AGBL4: variants seen among roughly 807,000 people sequenced by gnomAD.
The protein encoded by AGBL4 is AGBL carboxypeptidase 4, also known as cytosolic carboxypeptidase 6.
In AGBL4, 58 loss-of-function variants were observed where a neutral mutation model predicts 66.4. The observed-to-expected ratio is 0.87, with a 90% CI of 0.71 to 1.09. AGBL4 has a LOEUF of 1.09. Ranked by LOEUF, AGBL4 falls within the 50% of genes least tolerant of loss-of-function variation. The probability of loss-of-function intolerance (pLI) is 0.00; values close to 1 mark genes in which losing one functional copy is unlikely to be tolerated. For missense variants in AGBL4, 579 were observed against 631.0 expected (o/e 0.92, Z 0.88); for synonymous variants, 234 against 222.9 (o/e 1.05, Z -0.44).
chr1:49,503,300 T>C (rs759722109), intron 3 of AGBL4, among the ~76,000 whole-genome samples: 9 of 152,140 alleles, frequency 5.9e-5, no homozygotes, highest in Non-Finnish European at 1.2e-4. Flanking sequence ...TTTCAGAGGA[T>C]GTATGCAAAC....
chr1:49,592,271 AG>A (rs770446000), intron 3 of AGBL4, among the ~76,000 whole-genome samples: 2 of 151,992 alleles, frequency 1.3e-5, no homozygotes, highest in Non-Finnish European at 2.9e-5. Context: ...ATTAAAAAAT[AG>A]GCAAAAAACA....
At chr1:48,556,467 C>T (rs1644322897) in intron 11 of AGBL4, among the ~76,000 whole-genome samples, 1 of 152,192 alleles carries the variant, frequency 6.6e-6, no homozygotes. Context: ...CATATTATAT[C>T]CCACGCGTTC....
chr1:48,987,963 T>C (rs944474474), intron 5 of AGBL4, among the ~76,000 whole-genome samples: 9 of 152,120 alleles, frequency 5.9e-5, no homozygotes, highest in African/African-American at 1.9e-4. Flanking sequence ...TGCTCTTATT[T>C]TTCTTCTCCT....
intron 3 of AGBL4, among the ~76,000 whole-genome samples, chr1:49,473,046 A>G (rs1026505266): frequency 7.2e-5 from 11 of 151,986 alleles, no homozygotes; most frequent in African/African-American, 1.7e-4. Flanking sequence ...TCTTTATCCA[A>G]TCCACCATTG....
chr1:49,581,752 G>A (rs955602709), intron 3 of AGBL4, among the ~76,000 whole-genome samples: 6 of 152,154 alleles, frequency 3.9e-5, no homozygotes, highest in Non-Finnish European at 7.3e-5. Flanking sequence ...GTTTGTCCTT[G>A]TGACCTGGAG....
intron 4 of AGBL4, among the ~76,000 whole-genome samples, chr1:49,055,171 T>A (rs1337316863): frequency 1.3e-5 from 2 of 152,004 alleles, no homozygotes; most frequent in Non-Finnish European, 2.9e-5. Flanking sequence ...TACATTTATA[T>A]GTTGTACTAC....
At chr1:49,769,051 G>T (rs1451891369) in intron 2 of AGBL4, among the ~76,000 whole-genome samples, 1 of 152,072 alleles carries the variant, frequency 6.6e-6, no homozygotes, top group East Asian at 1.9e-4. Flanking sequence ...GTTTCACCAT[G>T]TTGGCCAGGA....
intron 2 of AGBL4, among the ~76,000 whole-genome samples, chr1:49,702,320 G>C (rs1427437095): frequency 6.6e-6 from 1 of 151,844 alleles, no homozygotes; most frequent in Non-Finnish European, 1.5e-5. Flanking sequence ...GTGAAAACTC[G>C]TCTCTACTAA....
chr1:48,911,950 C>T (rs922198841), intron 5 of AGBL4, among the ~76,000 whole-genome samples: 2 of 152,086 alleles, frequency 1.3e-5, no homozygotes, highest in African/African-American at 4.8e-5. Context: ...ATAATTGCAT[C>T]TTCTGTTATA....
chr1:49,467,452 G>A (rs1557968057), intron 3 of AGBL4, among the ~76,000 whole-genome samples: 1 of 151,440 alleles, frequency 6.6e-6, no homozygotes. Flanking sequence ...TTCTCTTTAG[G>A]CCTGTTTCCT....
intron 5 of AGBL4, among the ~76,000 whole-genome samples, chr1:48,897,639 C>CTGTTATTA (rs1436082514): frequency 6.6e-6 from 1 of 152,082 alleles, no homozygotes; most frequent in Non-Finnish European, 1.5e-5. Flanking sequence ...TCACTTGCAT[C>CTGTTATTA]TGTTATTATC....
chr1:49,727,252 G>C (rs1649100163), intron 2 of AGBL4, among the ~76,000 whole-genome samples: 1 of 152,030 alleles, frequency 6.6e-6, no homozygotes, highest in South Asian at 2.1e-4. Context: ...TGTCAAGTTT[G>C]ACCTTAAACT....
At chr1:49,645,349 T>C (rs540039630) in intron 3 of AGBL4, among the ~76,000 whole-genome samples, 4 of 151,402 alleles carry the variant, frequency 2.6e-5, no homozygotes, top group Non-Finnish European at 5.9e-5. Flanking sequence ...ACATAAATTA[T>C]GAATATTGGG....
chr1:48,538,633 T>C (rs1291798494), intron 12 of AGBL4, among the ~76,000 whole-genome samples: 1 of 152,238 alleles, frequency 6.6e-6, no homozygotes, highest in Non-Finnish European at 1.5e-5. Flanking sequence ...TCATCTTTCT[T>C]AGTCTCCTTT....
intron 3 of AGBL4, among the ~76,000 whole-genome samples, chr1:49,553,590 A>G (rs1418304952): frequency 6.6e-6 from 1 of 152,166 alleles, no homozygotes; most frequent in Non-Finnish European, 1.5e-5. Context: ...TGGAGTAGAT[A>G]AGTACAACCT....
At chr1:49,329,112 G>A (rs1645279547) in intron 3 of AGBL4, among the ~76,000 whole-genome samples, 1 of 152,028 alleles carries the variant, frequency 6.6e-6, no homozygotes, top group Non-Finnish European at 1.5e-5. Context: ...TTCAAGACCA[G>A]CCTGGCCAAC....
chr1:49,186,498 T>A (rs1368118670), intron 4 of AGBL4, among the ~76,000 whole-genome samples: 1 of 152,150 alleles, frequency 6.6e-6, no homozygotes, highest in Non-Finnish European at 1.5e-5. Context: ...CTCAGTTTTA[T>A]CACCTGTAAA....
At chr1:48,841,062 AG>A (rs1646786630) in intron 6 of AGBL4, among the ~76,000 whole-genome samples, 1 of 152,166 alleles carries the variant, frequency 6.6e-6, no homozygotes, top group Non-Finnish European at 1.5e-5. Flanking sequence ...ACTCTTAAAA[AG>A]ACAAAATTCT....
At chr1:48,576,475 C>T (rs1644655266) in intron 11 of AGBL4, among the ~76,000 whole-genome samples, 1 of 152,104 alleles carries the variant, frequency 6.6e-6, no homozygotes, top group African/African-American at 2.4e-5. Flanking sequence ...AAAATATCCC[C>T]AATTATTTTT....
Sources: allele counts gnomAD v4.1 joint callset (sites outside exome capture counted in the v4.1 genomes callset), GRCh38; gene constraint gnomAD v4.1.1; transcripts MANE v1.5; gene names NCBI Gene and HGNC (gene_info 2026-07-23, HGNC 2026-07-21).